MYO15B: variants seen among roughly 807,000 people sequenced by gnomAD.
The protein encoded by MYO15B is myosin XVB, also known as myosin XVB pseudogene.
A neutral mutation model predicts 119.3 loss-of-function variants in MYO15B; 207 were observed. That is an observed-to-expected ratio of 1.73 (90% CI 1.55 to 1.95). The LOEUF (loss-of-function observed/expected upper bound fraction) is 1.95, where lower values mean the gene tolerates loss of function less well. Ranked by LOEUF, MYO15B falls within the 30% of genes most tolerant of loss-of-function variation. MYO15B has a pLI of 0.00. For missense variants in MYO15B, 2,264 were observed against 1,203.1 expected (o/e 1.88, Z -13.04); for synonymous variants, 966 against 498.9 (o/e 1.94, Z -12.48).
Position 75,591,081 on chromosome 17 carries a change from C to T in MYO15B, c.2360+65C>T, listed in dbSNP as rs546634242. ...AGGCAGCCCAGTCCCTGCATGTCCC[C>T]TTGACTGAGGTCCCGGGGCCTGTGA... is the stretch of plus-strand genomic sequence containing the variant. On this transcript the variant is annotated intron_variant, in intron 3 of 63. Coordinates refer to ENST00000645453, the Ensembl canonical transcript of MYO15B. 105 of 691,434 alleles carry T rather than the reference C, an allele frequency of 1.5e-4. 1 individual carries two copies. In the Middle Eastern group the frequency reaches 2.8e-3, roughly 18 times the overall value. 42.8% of individuals were successfully genotyped at this position (691,434 alleles called of 1,614,324 possible). A position where few individuals can be genotyped will look rare whatever the true frequency, so the allele number is the denominator to read the frequency against.
chr17:75,614,536 G>C (rs1310738548), intron 30 of MYO15B, 47 bp from the exon 31 acceptor site: 1 of 696,596 alleles, frequency 1.4e-6, no homozygotes. Flanking sequence ...CAGCCTGGGT[G>C]ACCCTCAGCC....
chr17:75,594,139 C>T (rs1297015059), intron 9 of MYO15B, among the ~76,000 whole-genome samples: 6 of 144,974 alleles, frequency 4.1e-5, no homozygotes, highest in Admixed American at 3.4e-4. Flanking sequence ...CTGTTATGTA[C>T]CTGGGTACTG....
chr17:75,622,842 G>A (rs1032238460), intron 53 of MYO15B, among the ~76,000 whole-genome samples: 6 of 152,170 alleles, frequency 3.9e-5, no homozygotes, highest in Non-Finnish European at 2.9e-5. Context: ...TTTTGGACAC[G>A]TGAGGTCTGA....
intron 14 of MYO15B, among the ~76,000 whole-genome samples, chr17:75,597,899 G>T (rs1361302839): frequency 1.3e-5 from 2 of 150,964 alleles, no homozygotes; most frequent in African/African-American, 4.9e-5. Flanking sequence ...CTGGGTGACA[G>T]AGTGAGAAGT....
At chr17:75,591,654 A>G (rs1302352931) in exon 5 of MYO15B, 1 of 702,802 alleles carries the variant, frequency 1.4e-6, no homozygotes, top group East Asian at 2.7e-5. Flanking sequence ...GCCGCCAAAA[A>G]GATCATGCAG....
chr17:75,598,117 C>G (rs1399768188), intron 14 of MYO15B, among the ~76,000 whole-genome samples: 1 of 151,636 alleles, frequency 6.6e-6, no homozygotes, highest in African/African-American at 2.4e-5. Context: ...AACCCTCCCC[C>G]ATTTTCCCAA....
At chr17:75,622,996 G>C (rs1253755484) in intron 53 of MYO15B, among the ~76,000 whole-genome samples, 3 of 152,206 alleles carry the variant, frequency 2.0e-5, no homozygotes, top group Non-Finnish European at 4.4e-5. Context: ...CCGCTCAGAG[G>C]TCAGGGAGTT....
intron 28 of MYO15B, 92 bp from the exon 29 acceptor site, chr17:75,613,613 C>G (rs925356892): frequency 3.0e-6 from 2 of 660,206 alleles, no homozygotes; most frequent in African/African-American, 1.8e-5. Context: ...CTCTGTCCTG[C>G]TTTTGAAACT....
chr17:75,625,078 G>A (rs1389018679), intron 59 of MYO15B, 45 bp from the exon 60 acceptor site: 8 of 665,188 alleles, frequency 1.2e-5, no homozygotes, highest in Admixed American at 4.3e-5. Context: ...AACTGATGGG[G>A]GGCTTTGGAC....
intron 14 of MYO15B, among the ~76,000 whole-genome samples, chr17:75,599,961 T>TTC (rs2057141203): frequency 6.6e-6 from 1 of 151,410 alleles, no homozygotes; most frequent in Non-Finnish European, 1.5e-5. Flanking sequence ...TCTGGGACTA[T>TTC]TCTCCCAGGA....
At chr17:75,610,733 T>A (rs2057972743) in intron 22 of MYO15B, 167 bp from the exon 23 acceptor site, 1 of 613,800 alleles carries the variant, frequency 1.6e-6, no homozygotes, top group African/African-American at 1.8e-5. Flanking sequence ...CTAAGGCTGG[T>A]GAGGGCCCTG....
In MYO15B at chr17:75,591,156, T is replaced by C; in HGVS notation, c.2361-16T>C. The stretch of plus-strand genomic sequence containing the variant: ...TCCCAGGTCCCCATGTCTGGCAACC[T>C]TCTCATCTCCCTCAGACACATCTTT... On this transcript the variant is annotated splice_polypyrimidine_tract_variant and intron_variant, in intron 3 of 63. Transcript: ENST00000645453. 3 of 702,872 alleles carry C rather than the reference T, an allele frequency of 4.3e-6. No individual in the cohort carries two copies. The highest frequency in any genetic ancestry group is 7.8e-6 in the Non-Finnish European group (3 of 384,908). 43.5% of individuals were successfully genotyped at this position (702,872 alleles called of 1,614,324 possible).
intron 21 of MYO15B, among the ~76,000 whole-genome samples, chr17:75,609,136 G>T (rs937245301): frequency 1.3e-5 from 2 of 152,094 alleles, no homozygotes; most frequent in African/African-American, 4.8e-5. Flanking sequence ...AAGGTACAGG[G>T]ATTACAGGTG....
chr17:75,625,828 C>A lies in MYO15B; in HGVS notation c.8939-16C>A, dbSNP rs780443851. 3.6e-5 allele frequency: 25 copies of A among 702,358 alleles called. No homozygotes were observed. The highest frequency in any genetic ancestry group is 1.6e-5 in the Non-Finnish European group (6 of 384,998). 43.5% of individuals were successfully genotyped at this position (702,358 alleles called of 1,614,324 possible). A position where few individuals can be genotyped will look rare whatever the true frequency, so the allele number is the denominator to read the frequency against. ...CCAGCAGTCAGATTTCCTGCCTGCA[C>A]CCTCTCCACCCGCAGAGGCCATGAG... On this transcript the variant is annotated splice_polypyrimidine_tract_variant and intron_variant, in intron 61 of 63. Transcript: ENST00000645453.
At chr17:75,591,647 G>T in exon 5 of MYO15B, 1 of 702,872 alleles carries the variant, frequency 1.4e-6, no homozygotes, top group Non-Finnish European at 2.6e-6. Context: ...GACGGAAGCC[G>T]CCAAAAAGAT....
chr17:75,624,391 C>T (rs1016996570), exon 57 of MYO15B: 11 of 702,228 alleles, frequency 1.6e-5, no homozygotes, highest in Non-Finnish European at 2.6e-5. Context: ...GATTCGCCTG[C>T]TTCTTATTCA....
At chr17:75,612,324 A>T (rs1447092816) in intron 25 of MYO15B, among the ~76,000 whole-genome samples, 1 of 152,192 alleles carries the variant, frequency 6.6e-6, no homozygotes, top group Non-Finnish European at 1.5e-5. Flanking sequence ...AAGAATGTTT[A>T]TTGACAAGGG....
rs2056282812 is a variant in MYO15B, at chr17:75,589,372, GACGAGGGT to G, written c.1316_1323del (p.Asp439AlafsTer34). ...TGAAGGGCGGGGCCACGAGCGAGGG[GACGAGGGT>G]CGGGGCCGCGGGAAAGCGGACGAAG... On this transcript the variant is annotated frameshift_variant, in exon 1 of 64. Transcript: ENST00000645453. LOFTEE classifies it high-confidence loss of function. The surrounding 1 kb of genome is among the most constrained non-coding windows in gnomAD (Gnocchi z 4.2). The G allele has an allele frequency of 2.6e-6, 1 of 391,100 alleles. No individual in the cohort carries two copies. Among genetic ancestry groups the G allele is most frequent in the African/African-American group, 2.1e-5 (1 of 47,608 alleles). 24.2% of individuals were successfully genotyped at this position (391,100 alleles called of 1,614,324 possible). A position where few individuals can be genotyped will look rare whatever the true frequency, so the allele number is the denominator to read the frequency against.
intron 21 of MYO15B, among the ~76,000 whole-genome samples, chr17:75,609,386 G>A (rs894718525): frequency 2.6e-5 from 4 of 151,778 alleles, no homozygotes; most frequent in African/African-American, 4.8e-5. Flanking sequence ...TGTTGCCCAG[G>A]CTGGTCTTGA....
Sources: gnomAD v4.1 joint callset for allele counts (sites outside exome capture counted in the v4.1 genomes callset) on GRCh38, gnomAD v4.1.1 for gene constraint, Gnocchi (gnomAD v3.1) non-coding constraint, MANE v1.5 for transcripts, NCBI Gene and HGNC (gene_info 2026-07-23, HGNC 2026-07-21) for gene names.